Variants in SORCS2 observed in about 807,000 individuals in gnomAD.
SORCS2 encodes the protein VPS10 domain-containing receptor SorCS2.
In SORCS2, 100 loss-of-function variants were observed where a neutral mutation model predicts 141.6. That is an observed-to-expected ratio of 0.71 (90% CI 0.60 to 0.83). The LOEUF is 0.83. Ranked by LOEUF, SORCS2 falls within the 40% of genes least tolerant of loss-of-function variation. The pLI, the probability that SORCS2 is intolerant of heterozygous loss-of-function variation, is 0.00. For missense variants in SORCS2, 1,646 were observed against 1,560.2 expected, an observed-to-expected ratio of 1.05 and a Z score of -0.93; for synonymous variants, 789 against 676.9, an observed-to-expected ratio of 1.17 and a Z score of -2.57.
chr4:7,370,865 C>T (rs1205350721), intron 1 of SORCS2, among the ~76,000 whole-genome samples: 1 of 152,190 alleles, frequency 6.6e-6, no homozygotes, highest in African/African-American at 2.4e-5. Flanking sequence ...CTCTTATCCC[C>T]AGCTGCCTGC....
intron 2 of SORCS2, among the ~76,000 whole-genome samples, chr4:7,500,454 GC>G (rs1347133230): frequency 6.6e-6 from 1 of 152,148 alleles, no homozygotes; most frequent in African/African-American, 2.4e-5. Flanking sequence ...TTCTGTGGGT[GC>G]TACCCACACT....
intron 1 of SORCS2, among the ~76,000 whole-genome samples, chr4:7,321,338 C>A (rs1211238373): frequency 6.6e-6 from 1 of 152,110 alleles, no homozygotes; most frequent in Non-Finnish European, 1.5e-5. Flanking sequence ...TTTATTCACT[C>A]ATTGGTTGAT....
chr4:7,686,274 A>G (rs569140465), intron 10 of SORCS2, among the ~76,000 whole-genome samples: 4 of 152,280 alleles, frequency 2.6e-5, no homozygotes, highest in Admixed American at 2.6e-4. Flanking sequence ...TCAGCATAAA[A>G]CTTCATTCAC....
chr4:7,536,550 C>A (rs1712137683), intron 3 of SORCS2, among the ~76,000 whole-genome samples: 2 of 152,130 alleles, frequency 1.3e-5, no homozygotes, highest in African/African-American at 2.4e-5. Flanking sequence ...GGAACAAGAG[C>A]AGCCCATGAC....
chr4:7,452,443 G>A (rs1392609349), intron 2 of SORCS2, among the ~76,000 whole-genome samples: 3 of 152,134 alleles, frequency 2.0e-5, no homozygotes, highest in Non-Finnish European at 4.4e-5. Flanking sequence ...TGCTCGGCCT[G>A]GAAGGTTCTT....
chr4:7,567,039 C>A (rs760571337), intron 3 of SORCS2, among the ~76,000 whole-genome samples: 77 of 152,344 alleles, frequency 5.1e-4, no homozygotes, highest in Non-Finnish European at 7.3e-4. Flanking sequence ...GGACATAGGT[C>A]TACTGACTCC....
At chr4:7,482,701 G>A (rs371854116) in intron 2 of SORCS2, among the ~76,000 whole-genome samples, 16 of 106,780 alleles carry the variant, frequency 1.5e-4, no homozygotes, top group African/African-American at 6.0e-4. Flanking sequence ...TCCCCACTGC[G>A]GACACCCCTG....
At chr4:7,262,623 G>A (rs984758082) in intron 1 of SORCS2, among the ~76,000 whole-genome samples, 4 of 152,336 alleles carry the variant, frequency 2.6e-5, no homozygotes, top group East Asian at 3.9e-4. Context: ...CAAGATGATC[G>A]GCAAGAAGCT....
At chr4:7,710,144 A>G (rs1052856156) in intron 14 of SORCS2, among the ~76,000 whole-genome samples, 35 of 152,130 alleles carry the variant, frequency 2.3e-4, no homozygotes, top group Admixed American at 1.6e-3. Context: ...GGTGAGACTG[A>G]GGCCTCCTGG....
chr4:7,433,194 G>T, intron 2 of SORCS2: 4 of 1,093,324 alleles, frequency 3.7e-6, no homozygotes, highest in Non-Finnish European at 3.6e-6. Context: ...TTGAACTTCA[G>T]CTCTGCTCCT....
rs189880156 is a variant in SORCS2, at chr4:7,485,117, G to T, written c.549-46413G>T. Among the ~76,000 whole-genome samples, 289 of 152,252 alleles carry T rather than the reference G, an allele frequency of 1.9e-3. 2 individuals are homozygous for T. The highest frequency in any genetic ancestry group is 8.9e-3 in the South Asian group (43 of 4,824). ...CCTGTGCCCACACACCCTCCTGAGG[G>T]TCTCACTCCACACGGCACACACTCC... On this transcript the variant is annotated intron_variant, in intron 2 of 26. Coordinates refer to ENST00000507866, the MANE Select transcript of SORCS2 (RefSeq NM_020777.3).
intron 4 of SORCS2, among the ~76,000 whole-genome samples, chr4:7,649,089 C>T (rs1012790923): frequency 6.6e-6 from 1 of 152,210 alleles, no homozygotes; most frequent in African/African-American, 2.4e-5. Context: ...GGCTCTAACC[C>T]TGGCTTTGCA....
At chr4:7,330,476 G>A (rs1291686241) in intron 1 of SORCS2, among the ~76,000 whole-genome samples, 1 of 151,562 alleles carries the variant, frequency 6.6e-6, no homozygotes, top group East Asian at 2.0e-4. Context: ...CACCCCTGAC[G>A]TCCAAGTCCA....
intron 2 of SORCS2, among the ~76,000 whole-genome samples, chr4:7,419,004 G>C (rs1269966301): frequency 6.6e-6 from 1 of 152,206 alleles, no homozygotes; most frequent in Non-Finnish European, 1.5e-5. Context: ...CAGCACATAG[G>C]TCTCAAGGCA....
At chr4:7,383,089 C>T (rs1723089772) in intron 1 of SORCS2, among the ~76,000 whole-genome samples, 1 of 152,048 alleles carries the variant, frequency 6.6e-6, no homozygotes, top group Non-Finnish European at 1.5e-5. Flanking sequence ...CCTCATGCCC[C>T]GCGGGGCTGC....
At chr4:7,258,149 A>AT (rs898773508) in intron 1 of SORCS2, among the ~76,000 whole-genome samples, 92 of 152,192 alleles carry the variant, frequency 6.0e-4, no homozygotes, top group African/African-American at 2.0e-3. Flanking sequence ...TTTTAAAAAA[A>AT]TTTTTTTTTA....
chr4:7,330,883 C>A (rs1417271663), intron 1 of SORCS2, among the ~76,000 whole-genome samples: 1 of 152,130 alleles, frequency 6.6e-6, no homozygotes. Context: ...GGACTCGCGG[C>A]CGCCATGGAC....
chr4:7,702,914 TTGAC>T (rs1423418032), intron 12 of SORCS2, among the ~76,000 whole-genome samples: 1 of 152,232 alleles, frequency 6.6e-6, no homozygotes, highest in East Asian at 1.9e-4. Flanking sequence ...GGGGTTTGCT[TTGAC>T]TGAGGCTGTG....
rs551448830 is a variant in SORCS2, at chr4:7,448,496, T to C, written c.548+52141T>C. On this transcript the variant is annotated intron_variant, in intron 2 of 26. Coordinates refer to ENST00000507866, the MANE Select transcript of SORCS2 (RefSeq NM_020777.3). ...CTTCCTTCTTCCATGTCTCCCTTCCTTTCCTTTCCATCTCCCTCCCTCCCT... is the reference window on the plus strand; with the variant it reads ...CTTCCTTCTTCCATGTCTCCCTTCCCTTCCTTTCCATCTCCCTCCCTCCCT... Among the ~76,000 whole-genome samples, 850 of 118,228 alleles carry C rather than the reference T, an allele frequency of 7.2e-3. 13 individuals are homozygous for C. The highest frequency in any genetic ancestry group is 0.034 in the African/African-American group (812 of 24,036). The allele number at this position is 118,228 out of a possible 152,430, so 77.6% of individuals were successfully genotyped here. A position where few individuals can be genotyped will look rare whatever the true frequency, so the allele number is the denominator to read the frequency against.
Sources: gnomAD v4.1 joint callset for allele counts (sites outside exome capture counted in the v4.1 genomes callset) on GRCh38, gnomAD v4.1.1 for gene constraint, MANE v1.5 for transcripts, NCBI Gene and HGNC (gene_info 2026-07-23, HGNC 2026-07-21) for gene names.